The following ELOVL6 variants were observed in gnomAD, a reference collection of about 807,000 sequenced individuals.
ELOVL6 encodes the protein very long chain fatty acid elongase 6.
A neutral mutation model predicts 31.7 loss-of-function variants in ELOVL6; 8 were observed. The ratio of observed to expected loss-of-function variants is 0.25; its 90% CI spans 0.15 to 0.45. The LOEUF is 0.45. Among genes scored for constraint, ELOVL6 ranks in the 20% least tolerant of loss-of-function variants. The pLI is 1.00. For synonymous variants in ELOVL6, 101 were observed against 117.7 expected, an observed-to-expected ratio of 0.86 and a Z score of 0.92; for missense variants, 126 against 326.4, an observed-to-expected ratio of 0.39 and a Z score of 4.73.
chr4:110,084,050 T>C lies in ELOVL6; in HGVS notation c.221+21447A>G, dbSNP rs867990690. Among the ~76,000 whole-genome samples, 229 of 62,786 alleles carry C rather than the reference T, an allele frequency of 3.6e-3. 22 individuals carry two copies. The highest frequency in any genetic ancestry group is 0.025 in the East Asian group (37 of 1,458). 41.2% of individuals were successfully genotyped at this position (62,786 alleles called of 152,430 possible). ...GCCATATATGGTATATAACACATGC[T>C]ATATATGATATATAACATATATATG... is the stretch of plus-strand genomic sequence containing the variant. On this transcript the variant is annotated intron_variant, in intron 2 of 3. Coordinates refer to ENST00000302274, the MANE Select transcript of ELOVL6 (RefSeq NM_024090.3).
At chr4:110,128,410 T>C (rs752707990) in intron 1 of ELOVL6, among the ~76,000 whole-genome samples, 1 of 152,174 alleles carries the variant, frequency 6.6e-6, no homozygotes, top group Non-Finnish European at 1.5e-5. Context: ...ATGAATGAAG[T>C]CACGTGCTTG....
At chr4:110,063,469 C>G (rs914623676) in intron 2 of ELOVL6, among the ~76,000 whole-genome samples, 2 of 151,540 alleles carry the variant, frequency 1.3e-5, no homozygotes, top group African/African-American at 2.4e-5. Flanking sequence ...CTGATCCTGA[C>G]TCTCATCTCC....
At chr4:110,129,482 C>T (rs1221041683) in intron 1 of ELOVL6, among the ~76,000 whole-genome samples, 1 of 152,188 alleles carries the variant, frequency 6.6e-6, no homozygotes, top group Non-Finnish European at 1.5e-5. Flanking sequence ...ACTGAATGCC[C>T]ATCCATGATA....
At chr4:110,064,357 G>T (rs1248152263) in intron 2 of ELOVL6, among the ~76,000 whole-genome samples, 1 of 119,118 alleles carries the variant, frequency 8.4e-6, no homozygotes, top group East Asian at 3.9e-4. Context: ...GCCATGGGAT[G>T]TCAGGAGGGG....
chr4:110,123,758 T>C (rs1429119202), intron 1 of ELOVL6, among the ~76,000 whole-genome samples: 16 of 152,194 alleles, frequency 1.1e-4, no homozygotes, highest in Admixed American at 1.0e-3. Flanking sequence ...ATTCTACTGA[T>C]TTTGTCTTTG....
At chr4:110,077,809 C>T (rs953242215) in intron 2 of ELOVL6, among the ~76,000 whole-genome samples, 5 of 152,018 alleles carry the variant, frequency 3.3e-5, no homozygotes, top group Admixed American at 6.6e-5. Flanking sequence ...GGAGGAAGTT[C>T]GAACCCATGG....
At chr4:110,198,095 C>G in intron 1 of ELOVL6, 152 bp downstream of exon 1, 1 of 437,396 alleles carries the variant, frequency 2.3e-6, no homozygotes, top group Non-Finnish European at 4.4e-6. Flanking sequence ...CCCAGCGTCT[C>G]CTGCACCCGG....
At chr4:110,099,210 G>T (rs531508681) in intron 2 of ELOVL6, among the ~76,000 whole-genome samples, 1 of 152,104 alleles carries the variant, frequency 6.6e-6, no homozygotes, top group African/African-American at 2.4e-5. Context: ...GTGGGAAACA[G>T]ATCTCAAATG....
intron 2 of ELOVL6, among the ~76,000 whole-genome samples, chr4:110,087,093 G>C (rs909922718): frequency 3.3e-5 from 5 of 151,846 alleles, no homozygotes; most frequent in African/African-American, 9.7e-5. Context: ...TTTAAACCAG[G>C]GTGTTCTTAC....
At chr4:110,161,409 G>A (rs1314500472) in intron 1 of ELOVL6, among the ~76,000 whole-genome samples, 4 of 152,150 alleles carry the variant, frequency 2.6e-5, no homozygotes, top group Admixed American at 2.0e-4. Flanking sequence ...AGTCTATACT[G>A]ATGGCACTTT....
At chr4:110,084,163 T>C (rs1305230619) in intron 2 of ELOVL6, among the ~76,000 whole-genome samples, 1 of 68,132 alleles carries the variant, frequency 1.5e-5, no homozygotes, top group Non-Finnish European at 2.4e-5. Context: ...ATAACATATA[T>C]GTGATATATA....
intron 1 of ELOVL6, among the ~76,000 whole-genome samples, chr4:110,155,214 C>A (rs1325851725): frequency 6.6e-6 from 1 of 152,048 alleles, no homozygotes; most frequent in African/African-American, 2.4e-5. Flanking sequence ...AAAACTTTTA[C>A]TTCTTAAAAG....
rs1578465144 is a variant in ELOVL6, at chr4:110,083,987, C to CGATATATAACATATGCTATATAT, written c.221+21509_221+21510insATATATAGCATATGTTATATATC. Among the ~76,000 whole-genome samples the CGATATATAACATATGCTATATAT allele has an allele frequency of 1.9e-3, 13 of 6,896 alleles. 4 individuals are homozygous for CGATATATAACATATGCTATATAT. The East Asian group carries it at 0.036, about 19-fold the overall frequency. 4.5% of individuals were successfully genotyped at this position (6,896 alleles called of 152,430 possible). The stretch of plus-strand genomic sequence containing the variant: ...TATATGATATAACATATGCCATATA[C>CGATATATAACATATGCTATATAT]GATATATAACATATGCCATATATGG... On this transcript the variant is annotated intron_variant, in intron 2 of 3. Coordinates refer to ENST00000302274, the MANE Select transcript of ELOVL6 (RefSeq NM_024090.3).
intron 1 of ELOVL6, among the ~76,000 whole-genome samples, chr4:110,145,301 C>A (rs1452222926): frequency 6.6e-6 from 1 of 152,036 alleles, no homozygotes; most frequent in Non-Finnish European, 1.5e-5. Flanking sequence ...TGTTTCCCAG[C>A]CACTCTTCCC....
rs6849861 is a variant in ELOVL6, at chr4:110,080,010, C to A, written c.222-20256G>T. ...ATCTAGAAGAAATGGATAAATTCCT[C>A]GACACATACACCCTCCCAAGACTAA... On this transcript the variant is annotated intron_variant, in intron 2 of 3. Transcript: ENST00000302274. 4.0e-5 allele frequency among the ~76,000 whole-genome samples: 6 copies of A among 151,860 alleles called. No individual in the cohort carries two copies. The East Asian group carries it at 1.2e-3, about 29-fold the overall frequency.
upstream of ELOVL6, chr4:110,198,713 G>A: frequency 5.3e-6 from 1 of 187,654 alleles, no homozygotes; most frequent in Non-Finnish European, 1.1e-5. Flanking sequence ...GGGAGTGTGC[G>A]AAAGAGCGCG....
intron 1 of ELOVL6, among the ~76,000 whole-genome samples, chr4:110,171,031 C>T (rs1199704720): frequency 6.6e-6 from 1 of 152,144 alleles, no homozygotes. Context: ...GATCTTGCCC[C>T]TTACCCTGGA....
chr4:110,164,865 G>A (rs1758727592), intron 1 of ELOVL6, among the ~76,000 whole-genome samples: 1 of 151,800 alleles, frequency 6.6e-6, no homozygotes, highest in South Asian at 2.1e-4. Flanking sequence ...TTGAGACAGA[G>A]TCTCACTCTG....
chr4:110,080,431 T>C lies in ELOVL6; in HGVS notation c.222-20677A>G, dbSNP rs965903390. ...CTTCATCCCTGGGATGCAAGGCTGG[T>C]TCAGCATACGCAAATCAGTAAACGT... On this transcript the variant is annotated intron_variant, in intron 2 of 3. Coordinates refer to ENST00000302274, the MANE Select transcript of ELOVL6 (RefSeq NM_024090.3). Among the ~76,000 whole-genome samples, 7 of 152,286 alleles carry C rather than the reference T, an allele frequency of 4.6e-5. No individual in the cohort carries two copies. In the South Asian group the frequency reaches 1.4e-3, roughly 32 times the overall value.
Sources: allele counts gnomAD v4.1 joint callset (sites outside exome capture counted in the v4.1 genomes callset), GRCh38; gene constraint gnomAD v4.1.1; transcripts MANE v1.5; gene names NCBI Gene and HGNC (gene_info 2026-07-23, HGNC 2026-07-21).